FOXN3: variants seen among roughly 807,000 people sequenced by gnomAD.
FOXN3 encodes the protein forkhead box N3.
FOXN3 carries 7 observed loss-of-function variants against 38.4 expected under a neutral mutation model. That is an observed-to-expected ratio of 0.18 (90% confidence interval 0.10 to 0.34). The LOEUF (loss-of-function observed/expected upper bound fraction) is 0.34. FOXN3 is among the 10% of genes least tolerant of loss of function. FOXN3 has a pLI of 1.00. For missense variants in FOXN3, 456 were observed against 613.4 expected, an observed-to-expected ratio of 0.74 and a Z score of 2.71; for synonymous variants, 230 against 242.2, an observed-to-expected ratio of 0.95 and a Z score of 0.47.
chr14:89,466,862 G>A (rs1892982513), intron 1 of FOXN3, among the ~76,000 whole-genome samples: 1 of 152,164 alleles, frequency 6.6e-6, no homozygotes, highest in South Asian at 2.1e-4. Flanking sequence ...GGCAAGGTGG[G>A]GGCACACTGC....
intron 1 of FOXN3, among the ~76,000 whole-genome samples, chr14:89,575,561 C>T (rs1895591985): frequency 6.6e-6 from 1 of 152,148 alleles, no homozygotes; most frequent in South Asian, 2.1e-4. Flanking sequence ...AAACACAAAG[C>T]ACAGCTCCAG....
At chr14:89,456,887 G>A (rs575035234) in intron 1 of FOXN3, among the ~76,000 whole-genome samples, 1 of 152,228 alleles carries the variant, frequency 6.6e-6, no homozygotes, top group African/African-American at 2.4e-5. Context: ...CTGAGCCCAG[G>A]TCCTTTGTCT....
At chr14:89,588,732 T>C (rs1271089119) in intron 1 of FOXN3, among the ~76,000 whole-genome samples, 1 of 152,152 alleles carries the variant, frequency 6.6e-6, no homozygotes, top group African/African-American at 2.4e-5. Flanking sequence ...TATGAAGATA[T>C]GTGATTTAAG....
intron 4 of FOXN3, among the ~76,000 whole-genome samples, chr14:89,191,953 TATATATATACAC>T (rs6145438): frequency 0.3 from 42,056 of 142,472 alleles, 7,422 homozygotes; most frequent in African/African-American, 0.46. Context: ...TATTAGTATA[TATATATATACAC>T]ATATATATAA....
chr14:89,437,223 G>T (rs1892292222), intron 1 of FOXN3, among the ~76,000 whole-genome samples: 1 of 150,998 alleles, frequency 6.6e-6, no homozygotes, highest in Non-Finnish European at 1.5e-5. Flanking sequence ...ATGTCTAAAT[G>T]TGGTCATGTT....
chr14:89,555,880 T>TGGGGG (rs57759148), intron 1 of FOXN3, among the ~76,000 whole-genome samples: 4 of 99,690 alleles, frequency 4.0e-5, no homozygotes, highest in Non-Finnish European at 9.4e-5. Flanking sequence ...TGTGTGTATG[T>TGGGGG]GGGGGTGTAT....
intron 4 of FOXN3, among the ~76,000 whole-genome samples, chr14:89,182,769 A>T (rs1325174653): frequency 6.6e-6 from 1 of 152,180 alleles, no homozygotes; most frequent in Non-Finnish European, 1.5e-5. Context: ...ATACTGGCGT[A>T]AGTCTAGACA....
At chr14:89,428,772 G>A (rs559000059) in intron 1 of FOXN3, among the ~76,000 whole-genome samples, 61 of 152,338 alleles carry the variant, frequency 4.0e-4, no homozygotes, top group African/African-American at 1.4e-3. Flanking sequence ...CAAGCACCTG[G>A]CCAAGGCACC....
At chr14:89,392,516 T>C (rs1890977267) in intron 2 of FOXN3, among the ~76,000 whole-genome samples, 1 of 152,174 alleles carries the variant, frequency 6.6e-6, no homozygotes, top group Non-Finnish European at 1.5e-5. Context: ...CAGAATCTGT[T>C]CTACGACCCT....
intron 4 of FOXN3, among the ~76,000 whole-genome samples, chr14:89,236,198 C>T (rs1884975725): frequency 6.6e-6 from 1 of 152,208 alleles, no homozygotes. Flanking sequence ...ACAAGAGCGA[C>T]TGGAAGCCAG....
chr14:89,521,628 A>T (rs1007578900), intron 1 of FOXN3, among the ~76,000 whole-genome samples: 9 of 152,196 alleles, frequency 5.9e-5, no homozygotes, highest in Non-Finnish European at 1.2e-4. Context: ...AACTTTCCAA[A>T]TTTAAAGAAA....
chr14:89,327,587 G>A (rs1461459220), intron 3 of FOXN3, among the ~76,000 whole-genome samples: 1 of 152,204 alleles, frequency 6.6e-6, no homozygotes, highest in Non-Finnish European at 1.5e-5. Flanking sequence ...GCTATTTACA[G>A]ATGGTATCTT....
intron 1 of FOXN3, among the ~76,000 whole-genome samples, chr14:89,535,886 T>C (rs10484012): frequency 0.2 from 31,001 of 152,206 alleles, 3,811 homozygotes; most frequent in Middle Eastern, 0.28. Flanking sequence ...GGAGGGAGAT[T>C]TATGTATATG....
At chr14:89,547,355 A>C (rs1373649446) in intron 1 of FOXN3, among the ~76,000 whole-genome samples, 1 of 151,714 alleles carries the variant, frequency 6.6e-6, no homozygotes, top group Non-Finnish European at 1.5e-5. Context: ...CCCAGGTTCA[A>C]GCGATTCTCC....
chr14:89,443,826 A>C (rs1786253649), intron 1 of FOXN3, among the ~76,000 whole-genome samples: 2 of 152,118 alleles, frequency 1.3e-5, no homozygotes, highest in South Asian at 4.1e-4. Flanking sequence ...CCTGACCAAC[A>C]TGGAGCAACT....
intron 3 of FOXN3, among the ~76,000 whole-genome samples, chr14:89,289,588 A>C (rs1028210643): frequency 6.6e-6 from 1 of 152,260 alleles, no homozygotes; most frequent in African/African-American, 2.4e-5. Flanking sequence ...ATATAAGATG[A>C]ATAATTCAAA....
chr14:89,426,593 A>G (rs1484549138), intron 1 of FOXN3, among the ~76,000 whole-genome samples: 1 of 152,168 alleles, frequency 6.6e-6, no homozygotes, highest in East Asian at 1.9e-4. Flanking sequence ...AAAACTACCA[A>G]TGATGAGGAC....
intron 1 of FOXN3, among the ~76,000 whole-genome samples, chr14:89,608,244 C>T (rs1396571472): frequency 6.6e-6 from 1 of 152,274 alleles, no homozygotes; most frequent in East Asian, 1.9e-4. Flanking sequence ...GATCTGCCCA[C>T]CTCGGCCTCC....
intron 3 of FOXN3, chr14:89,290,371 TCTTATTAGTGGAAATTG>T (rs1886833470): frequency 2.6e-6 from 1 of 383,924 alleles, no homozygotes; most frequent in African/African-American, 2.1e-5. Flanking sequence ...CAACCTTCTG[TCTTATTAGTGGAAATTG>T]CTGGTACTCT....
Sources: allele counts gnomAD v4.1 joint callset (sites outside exome capture counted in the v4.1 genomes callset), GRCh38; gene constraint gnomAD v4.1.1; transcripts MANE v1.5; gene names NCBI Gene and HGNC (gene_info 2026-07-23, HGNC 2026-07-21).